IL1RAPL1: variants seen among roughly 807,000 people sequenced by gnomAD.
IL1RAPL1 encodes interleukin 1 receptor accessory protein like 1.
Under a neutral mutation model 48.4 loss-of-function variants are expected in IL1RAPL1, and 3 were observed. That is an observed-to-expected ratio of 0.06 (90% CI 0.03 to 0.16). The LOEUF is 0.16. Among genes scored for constraint, IL1RAPL1 ranks in the 10% least tolerant of loss-of-function variants. The probability of loss-of-function intolerance (pLI) is 1.00; values close to 1 mark genes in which losing one functional copy is unlikely to be tolerated. For missense variants in IL1RAPL1, 349 were observed against 530.6 expected, an observed-to-expected ratio of 0.66 and a Z score of 3.36; for synonymous variants, 185 against 187.7, an observed-to-expected ratio of 0.99 and a Z score of 0.12.
At chrX:28,978,235 C>T (rs1409078867) in intron 2 of IL1RAPL1, among the ~76,000 whole-genome samples, 1 of 111,092 alleles carries the variant, frequency 9.0e-6, no homozygotes, top group Non-Finnish European at 1.9e-5. Context: ...GGGTGGGGTC[C>T]GTCATCGGAA....
At chrX:28,992,502 GA>G (rs60650174) in intron 2 of IL1RAPL1, among the ~76,000 whole-genome samples, 505 of 49,555 alleles carry the variant, frequency 0.01, 2 homozygotes, top group African/African-American at 0.03. Flanking sequence ...AAAAAAAAAA[GA>G]AAAAAAAAAA....
chrX:29,325,181 A>G (rs1932835372), intron 3 of IL1RAPL1, among the ~76,000 whole-genome samples: 2 of 112,245 alleles, frequency 1.8e-5, no homozygotes, highest in Admixed American at 9.4e-5. Context: ...TATATGTCTC[A>G]ATCATCCAGC....
chrX:29,955,063 C>A lies in IL1RAPL1; in HGVS notation c.1373-39C>A, dbSNP rs180729712. On this transcript the variant is annotated intron_variant, in intron 10 of 10. Transcript: ENST00000378993. Reference sequence around the variant, plus strand: ...ACTAGGACTTTCTGGACCAAATTTTCCATTCACTCATTTTGATGCACTCTT... The same window carrying A: ...ACTAGGACTTTCTGGACCAAATTTTACATTCACTCATTTTGATGCACTCTT... 5,001 of 1,107,561 alleles carry A rather than the reference C, an allele frequency of 4.5e-3. 19 individuals are homozygous for A. Among genetic ancestry groups the A allele is most frequent in the Admixed American group, 5.6e-3 (257 of 45,680 alleles). 91.3% of individuals were successfully genotyped at this position (1,107,561 alleles called of 1,213,427 possible).
intron 6 of IL1RAPL1, among the ~76,000 whole-genome samples, chrX:29,703,951 G>C (rs1490899392): frequency 9.0e-6 from 1 of 111,030 alleles, no homozygotes; most frequent in Non-Finnish European, 1.9e-5. Context: ...TTTTTTAAGG[G>C]ACAGGGTCTT....
intron 6 of IL1RAPL1, among the ~76,000 whole-genome samples, chrX:29,692,013 A>G (rs146616445): frequency 0.022 from 2,465 of 112,455 alleles, 65 homozygotes; most frequent in African/African-American, 0.076. Context: ...TTTCATTTAC[A>G]ATGAAGGTGA....
chrX:29,066,468 A>T (rs771241115), intron 2 of IL1RAPL1, among the ~76,000 whole-genome samples: 1 of 112,254 alleles, frequency 8.9e-6, no homozygotes, highest in South Asian at 3.7e-4. Flanking sequence ...GTTGGGGTAT[A>T]AATTGCTCCA....
At chrX:29,566,360 C>G (rs1307775330) in intron 5 of IL1RAPL1, among the ~76,000 whole-genome samples, 1 of 111,857 alleles carries the variant, frequency 8.9e-6, no homozygotes, top group African/African-American at 3.3e-5. Context: ...ATTTGGGAGG[C>G]TGAGACCAGA....
intron 1 of IL1RAPL1, among the ~76,000 whole-genome samples, chrX:28,649,214 C>A (rs1452786034): frequency 8.9e-6 from 1 of 111,919 alleles, no homozygotes; most frequent in African/African-American, 3.2e-5. Flanking sequence ...GAAAAACATG[C>A]CTTTATTGTT....
intron 6 of IL1RAPL1, among the ~76,000 whole-genome samples, chrX:29,758,628 G>A (rs1195287758): frequency 1.8e-5 from 2 of 108,727 alleles, no homozygotes; most frequent in African/African-American, 3.4e-5. Context: ...CCCTGGAGGC[G>A]GAGGTTGCAG....
At chrX:29,110,707 G>A (rs181580161) in intron 2 of IL1RAPL1, among the ~76,000 whole-genome samples, 4 of 111,646 alleles carry the variant, frequency 3.6e-5, no homozygotes, top group South Asian at 3.7e-4. Flanking sequence ...GAGTGCTGCC[G>A]AATGTAACGC....
At chrX:28,942,501 T>G (rs1026658528) in intron 2 of IL1RAPL1, 1 of 108,720 alleles carries the variant, frequency 9.2e-6, no homozygotes, top group African/African-American at 3.3e-5. Context: ...GAAGTATCCC[T>G]AAATTGTTTC....
At chrX:28,735,443 G>GA (rs1175021588) in intron 1 of IL1RAPL1, among the ~76,000 whole-genome samples, 1 of 110,779 alleles carries the variant, frequency 9.0e-6, no homozygotes, top group African/African-American at 3.3e-5. Context: ...ATATTTTTCA[G>GA]AAAAAAATTT....
At chrX:29,802,787 G>A (rs764097334) in intron 6 of IL1RAPL1, among the ~76,000 whole-genome samples, 343 of 25,386 alleles carry the variant, frequency 0.014, 37 homozygotes, top group Non-Finnish European at 0.016. Context: ...ATATATGTGT[G>A]TGTGTATATA....
chrX:28,809,362 G>A (rs775302428), intron 2 of IL1RAPL1, among the ~76,000 whole-genome samples: 1 of 110,255 alleles, frequency 9.1e-6, no homozygotes, highest in East Asian at 2.9e-4. Context: ...AAACAAGTTA[G>A]CATGATAGTG....
intron 1 of IL1RAPL1, among the ~76,000 whole-genome samples, chrX:28,772,314 T>TA (rs1361954752): frequency 1.8e-5 from 2 of 111,527 alleles, no homozygotes; most frequent in African/African-American, 6.5e-5. Context: ...TGAGAAACTT[T>TA]AAAAAAAATC....
intron 2 of IL1RAPL1, among the ~76,000 whole-genome samples, chrX:29,272,400 C>G (rs1015260840): frequency 9.0e-6 from 1 of 111,354 alleles, no homozygotes; most frequent in African/African-American, 3.3e-5. Flanking sequence ...CTCCCTGGTT[C>G]AATCACTTAT....
chrX:29,744,360 A>G (rs5928246), intron 6 of IL1RAPL1, among the ~76,000 whole-genome samples: 41,431 of 110,742 alleles, frequency 0.37, 5,563 homozygotes, highest in Admixed American at 0.48. Context: ...GTGAATGGAT[A>G]TGAAAATAGC....
chrX:29,150,483 G>C (rs1411608938), intron 2 of IL1RAPL1, among the ~76,000 whole-genome samples: 1 of 111,546 alleles, frequency 9.0e-6, no homozygotes, highest in Non-Finnish European at 1.9e-5. Context: ...AGAAGGCCAA[G>C]ATGGGGACAA....
chrX:29,656,031 G>T (rs1454155664), intron 5 of IL1RAPL1, among the ~76,000 whole-genome samples: 1 of 112,592 alleles, frequency 8.9e-6, no homozygotes, highest in African/African-American at 3.2e-5. Flanking sequence ...GTGAAATTAA[G>T]CAGAGGGTGT....
Sources: gnomAD v4.1 joint callset for allele counts (sites outside exome capture counted in the v4.1 genomes callset) on GRCh38, gnomAD v4.1.1 for gene constraint, MANE v1.5 for transcripts, NCBI Gene and HGNC (gene_info 2026-07-23, HGNC 2026-07-21) for gene names.